The following SEZ6L variants were observed in gnomAD, a reference collection of about 807,000 sequenced individuals.
SEZ6L encodes seizure related 6 homolog like.
In SEZ6L, 37 loss-of-function variants were observed where a neutral mutation model predicts 106.2. The ratio of observed to expected loss-of-function variants is 0.35; its 90% CI spans 0.27 to 0.46. SEZ6L has a LOEUF of 0.46. Among genes scored for constraint, SEZ6L ranks in the 20% least tolerant of loss-of-function variants. SEZ6L has a pLI of 1.00. For synonymous variants in SEZ6L, 541 were observed against 570.4 expected (o/e 0.95, Z 0.73); for missense variants, 1,172 against 1,332.8 (o/e 0.88, Z 1.88).
chr22:26,237,845 C>G (rs1251768939), intron 1 of SEZ6L, among the ~76,000 whole-genome samples: 1 of 152,084 alleles, frequency 6.6e-6, no homozygotes, highest in Non-Finnish European at 1.5e-5. Context: ...CACAAGTGTG[C>G]TATTTCACAT....
intron 1 of SEZ6L, among the ~76,000 whole-genome samples, chr22:26,187,156 C>T (rs1217825174): frequency 2.6e-5 from 4 of 152,212 alleles, no homozygotes; most frequent in African/African-American, 9.6e-5. Context: ...CACAGTTCTG[C>T]ATGGCTGGGA....
At chr22:26,335,178 T>C (rs1044684724) in intron 9 of SEZ6L, among the ~76,000 whole-genome samples, 4 of 152,164 alleles carry the variant, frequency 2.6e-5, no homozygotes, top group Non-Finnish European at 5.9e-5. Context: ...AAAAACTAAA[T>C]TGCCAAACTC....
chr22:26,324,951 C>T (rs1475874614), intron 9 of SEZ6L, among the ~76,000 whole-genome samples: 1 of 152,134 alleles, frequency 6.6e-6, no homozygotes, highest in Non-Finnish European at 1.5e-5. Flanking sequence ...CTTAGCTGGG[C>T]TCGCAGGTGG....
chr22:26,340,698 C>T, intron 10 of SEZ6L, 66 bp downstream of exon 10: 1 of 1,389,618 alleles, frequency 7.2e-7, no homozygotes, highest in Non-Finnish European at 9.8e-7. Flanking sequence ...GTGGTTTCCT[C>T]TAGGTTATTT....
intron 1 of SEZ6L, among the ~76,000 whole-genome samples, chr22:26,285,591 G>T (rs1309414555): frequency 6.6e-6 from 1 of 152,216 alleles, no homozygotes; most frequent in Non-Finnish European, 1.5e-5. Context: ...CAGGTGATGG[G>T]AGGGTAGGGC....
At chr22:26,196,046 A>G (rs1309103986) in intron 1 of SEZ6L, among the ~76,000 whole-genome samples, 1 of 152,128 alleles carries the variant, frequency 6.6e-6, no homozygotes, top group Non-Finnish European at 1.5e-5. Flanking sequence ...TCAAATTGTA[A>G]TCCCCAATGT....
intron 1 of SEZ6L, among the ~76,000 whole-genome samples, chr22:26,189,731 G>A (rs1165052555): frequency 6.6e-6 from 1 of 152,082 alleles, no homozygotes; most frequent in Non-Finnish European, 1.5e-5. Flanking sequence ...GCATCCTGGG[G>A]GTCCTGGAAC....
At chr22:26,178,628 T>C (rs78990301) in intron 1 of SEZ6L, among the ~76,000 whole-genome samples, 14,640 of 152,184 alleles carry the variant, frequency 0.096, 719 homozygotes, top group Admixed American at 0.12. Context: ...CCTTGTCTGG[T>C]CTCACCTATT....
chr22:26,202,929 A>T (rs570704102), intron 1 of SEZ6L, among the ~76,000 whole-genome samples: 2 of 152,366 alleles, frequency 1.3e-5, no homozygotes, highest in Admixed American at 1.3e-4. Context: ...AGAGAGCACT[A>T]TTTAGTTTTC....
intron 1 of SEZ6L, among the ~76,000 whole-genome samples, chr22:26,262,713 C>T (rs377230141): frequency 4.4e-4 from 67 of 152,130 alleles, no homozygotes; most frequent in Non-Finnish European, 6.0e-4. Context: ...ACTAGCCAGA[C>T]GGGAGAAGGA....
chr22:26,297,924 G>T (rs2081347498), intron 4 of SEZ6L, among the ~76,000 whole-genome samples: 1 of 150,214 alleles, frequency 6.7e-6, no homozygotes, highest in Non-Finnish European at 1.5e-5. Flanking sequence ...GGTCTCCTTT[G>T]CCTCACCCAG....
intron 9 of SEZ6L, among the ~76,000 whole-genome samples, chr22:26,327,506 C>G (rs930231350): frequency 2.1e-5 from 3 of 145,640 alleles, no homozygotes; most frequent in Non-Finnish European, 3.0e-5. Flanking sequence ...CTACACACAC[C>G]ACACACGCCA....
intron 1 of SEZ6L, among the ~76,000 whole-genome samples, chr22:26,289,404 C>T (rs1423804090): frequency 6.6e-6 from 1 of 152,204 alleles, no homozygotes; most frequent in East Asian, 1.9e-4. Context: ...AGATAGAATA[C>T]CTCCATTATA....
chr22:26,337,938 T>A (rs910673766), intron 9 of SEZ6L, among the ~76,000 whole-genome samples: 1 of 152,162 alleles, frequency 6.6e-6, no homozygotes, highest in African/African-American at 2.4e-5. Context: ...AAGCAAACTT[T>A]CAATACCTTT....
At chr22:26,206,245 G>A (rs1369047711) in intron 1 of SEZ6L, among the ~76,000 whole-genome samples, 6 of 152,044 alleles carry the variant, frequency 3.9e-5, no homozygotes, top group Non-Finnish European at 8.8e-5. Context: ...TGCCCTTGAG[G>A]GCCCAACCCC....
At chr22:26,245,883 A>T (rs1010394828) in intron 1 of SEZ6L, among the ~76,000 whole-genome samples, 3 of 152,040 alleles carry the variant, frequency 2.0e-5, no homozygotes, top group Non-Finnish European at 4.4e-5. Flanking sequence ...TATCATTGCT[A>T]TTATTATAAC....
At chr22:26,259,183 C>T (rs2079920084) in intron 1 of SEZ6L, among the ~76,000 whole-genome samples, 1 of 151,894 alleles carries the variant, frequency 6.6e-6, no homozygotes, top group Admixed American at 6.6e-5. Context: ...ATTTTTCATC[C>T]CAAATGAGAG....
At chr22:26,209,871 G>GGAAGGAAGGAAAGAAGGGAGAGAC in intron 1 of SEZ6L, among the ~76,000 whole-genome samples, 1 of 144,560 alleles carries the variant, frequency 6.9e-6, no homozygotes, top group African/African-American at 2.6e-5. Flanking sequence ...AAGGGAGAGA[G>GGAAGGAAGGAAAGAAGGGAGAGAC]GAAGGAAGGA....
intron 1 of SEZ6L, among the ~76,000 whole-genome samples, chr22:26,212,319 A>T (rs1451691989): frequency 6.6e-6 from 1 of 152,162 alleles, no homozygotes; most frequent in African/African-American, 2.4e-5. Context: ...TCTTCTTTCT[A>T]TGTTGAGATT....
Sources: gnomAD v4.1 joint callset for allele counts (sites outside exome capture counted in the v4.1 genomes callset) on GRCh38, gnomAD v4.1.1 for gene constraint, MANE v1.5 for transcripts, NCBI Gene and HGNC (gene_info 2026-07-23, HGNC 2026-07-21) for gene names.